The following FAM13A variants were observed in gnomAD, a reference collection of about 807,000 sequenced individuals.
FAM13A encodes the protein family with sequence similarity 13 member A.
Under a neutral mutation model 129.6 loss-of-function variants are expected in FAM13A, and 76 were observed. The observed-to-expected ratio is 0.59, with a 90% CI of 0.49 to 0.71. The LOEUF (loss-of-function observed/expected upper bound fraction) is 0.71. Ranked by LOEUF, FAM13A falls within the 30% of genes least tolerant of loss-of-function variation. The pLI, the probability that FAM13A is intolerant of heterozygous loss-of-function variation, is 0.00. For synonymous variants in FAM13A, 443 were observed against 449.9 expected, an observed-to-expected ratio of 0.98 and a Z score of 0.20; for missense variants, 1,108 against 1,249.3, an observed-to-expected ratio of 0.89 and a Z score of 1.70.
intron 8 of FAM13A, among the ~76,000 whole-genome samples, chr4:88,800,640 G>A (rs1727248940): frequency 6.8e-6 from 1 of 147,562 alleles, no homozygotes; most frequent in Admixed American, 6.8e-5. Flanking sequence ...AGCCGAGATT[G>A]TGCCACTACA....
intron 3 of FAM13A, among the ~76,000 whole-genome samples, chr4:89,014,339 C>T (rs139193032): frequency 2.6e-4 from 40 of 152,280 alleles, no homozygotes; most frequent in Non-Finnish European, 1.5e-4. Context: ...CCATCACTCA[C>T]TATTTACCAA....
chr4:88,904,411 C>A (rs775801400), intron 6 of FAM13A, among the ~76,000 whole-genome samples: 1 of 152,024 alleles, frequency 6.6e-6, no homozygotes, highest in Non-Finnish European at 1.5e-5. Context: ...ATGTGGTACA[C>A]ATACACCATG....
chr4:88,893,826 C>CA (rs10700709), intron 6 of FAM13A, among the ~76,000 whole-genome samples: 70,990 of 117,856 alleles, frequency 0.6, 20,763 homozygotes, highest in Admixed American at 0.63. Context: ...GACTCCGTCT[C>CA]AAAAAAAAAA....
chr4:88,957,773 A>C (rs1287968804), intron 4 of FAM13A, among the ~76,000 whole-genome samples: 2 of 152,338 alleles, frequency 1.3e-5, no homozygotes, highest in Non-Finnish European at 1.5e-5. Flanking sequence ...TCTCAGATGG[A>C]AATGAGGAAC....
chr4:89,012,325 G>A (rs1286411650), intron 3 of FAM13A, among the ~76,000 whole-genome samples: 1 of 152,192 alleles, frequency 6.6e-6, no homozygotes, highest in Non-Finnish European at 1.5e-5. Context: ...GATTAAGGAA[G>A]ATGAGTTGCT....
chr4:88,793,267 A>G (rs1432935919), intron 8 of FAM13A, among the ~76,000 whole-genome samples: 1 of 152,026 alleles, frequency 6.6e-6, no homozygotes, highest in Non-Finnish European at 1.5e-5. Flanking sequence ...AAGTCAACAC[A>G]TCGAAATTTC....
At position 88,991,136 on chromosome 4, in the gene FAM13A, C is replaced by T. The variant is rs369858542; in HGVS notation, c.442G>A (p.Val148Ile). ...AAGTCTCTTAAGCTACTCTCCTGAA[C>T]ATCATTTCTGCCATCTGGAAAAAAA... ...IQLFQDGRND[V>I]QESSLRDLIK... Residue 148 changes from valine to isoleucine, a missense_variant, in exon 4 of 24, where the codon GTT becomes ATT. Val to Ile is a conservative substitution (Grantham distance 29). Around this residue, in one of 3 missense-constraint regions of FAM13A, gnomAD observed 566 missense variants for 595.7 expected, o/e 0.95. Coordinates refer to ENST00000264344, the MANE Select transcript of FAM13A (RefSeq NM_014883.4). 1.2e-6 allele frequency: 2 copies of T among 1,611,018 alleles called. No homozygotes were observed. The highest frequency in any genetic ancestry group is 2.7e-5 in the African/African-American group (2 of 74,720).
At chr4:89,022,894 T>G (rs1579815105) in intron 2 of FAM13A, among the ~76,000 whole-genome samples, 1 of 152,234 alleles carries the variant, frequency 6.6e-6, no homozygotes, top group Admixed American at 6.5e-5. Flanking sequence ...AACAGAATCC[T>G]GCCAACAACC....
chr4:88,796,496 T>G (rs17014573), intron 8 of FAM13A, among the ~76,000 whole-genome samples: 1,756 of 152,186 alleles, frequency 0.012, 33 homozygotes, highest in African/African-American at 0.04. Context: ...TACAAAATTC[T>G]CAATGCTATC....
chr4:88,729,796 T>C (rs1286555539), intron 23 of FAM13A: 1 of 152,200 alleles, frequency 6.6e-6, no homozygotes, highest in African/African-American at 2.4e-5. Context: ...GTATAAGATA[T>C]CTGTGCATAA....
At chr4:88,859,354 G>GA (rs1461984743) in intron 6 of FAM13A, among the ~76,000 whole-genome samples, 1 of 152,168 alleles carries the variant, frequency 6.6e-6, no homozygotes, top group Admixed American at 6.6e-5. Flanking sequence ...AGAGGGGATG[G>GA]AATCATGCAC....
At chr4:88,875,557 T>C (rs368618953) in intron 6 of FAM13A, among the ~76,000 whole-genome samples, 8 of 152,178 alleles carry the variant, frequency 5.3e-5, no homozygotes, top group South Asian at 2.1e-4. Context: ...TCATCACTGG[T>C]CATCAGAGAA....
At chr4:88,883,788 A>G (rs889696363) in intron 6 of FAM13A, among the ~76,000 whole-genome samples, 1 of 152,124 alleles carries the variant, frequency 6.6e-6, no homozygotes, top group Non-Finnish European at 1.5e-5. Context: ...AAAAAGAGAG[A>G]AGATCCAAAT....
Position 88,843,109 on chromosome 4 carries a change from G to C in FAM13A, c.1007+7911C>G, listed in dbSNP as rs115756078. 1.0e-3 allele frequency among the ~76,000 whole-genome samples: 154 copies of C among 152,318 alleles called. 1 individual carries two copies. The highest frequency in any genetic ancestry group is 3.4e-3 in the African/African-American group (142 of 41,556). On this transcript the variant is annotated intron_variant, in intron 7 of 23. Transcript: ENST00000264344. The stretch of plus-strand genomic sequence containing the variant: ...AATTACAAAATGGTCTGCATGCAAA[G>C]ATAGAGTTAGATATTTCTTCTAATC...
At chr4:88,800,281 T>C (rs1727151126) in intron 8 of FAM13A, among the ~76,000 whole-genome samples, 1 of 152,194 alleles carries the variant, frequency 6.6e-6, no homozygotes, top group Non-Finnish European at 1.5e-5. Flanking sequence ...GAACTGTACA[T>C]TTAAAAATGG....
chr4:88,737,657 T>A, intron 20 of FAM13A, 102 bp from the exon 21 acceptor site: 1 of 888,608 alleles, frequency 1.1e-6, no homozygotes, highest in South Asian at 1.4e-5. Flanking sequence ...AACTTTTAAC[T>A]CTGCATTCTT....
At chr4:88,921,808 C>T (rs1331912162) in intron 5 of FAM13A, among the ~76,000 whole-genome samples, 5 of 152,096 alleles carry the variant, frequency 3.3e-5, no homozygotes, top group African/African-American at 4.8e-5. Context: ...GGAAACCCAT[C>T]TCACGTGCAG....
intron 6 of FAM13A, among the ~76,000 whole-genome samples, chr4:88,893,244 A>T (rs945096200): frequency 2.0e-5 from 3 of 152,228 alleles, no homozygotes; most frequent in African/African-American, 7.2e-5. Flanking sequence ...TTTGGTCATG[A>T]CACAGATCCA....
chr4:88,827,750 C>T (rs907241966), intron 7 of FAM13A, among the ~76,000 whole-genome samples: 5 of 152,122 alleles, frequency 3.3e-5, no homozygotes, highest in African/African-American at 9.7e-5. Context: ...CTTAGGATAA[C>T]GTTCAAAATA....
Sources: allele counts gnomAD v4.1 joint callset (sites outside exome capture counted in the v4.1 genomes callset), GRCh38; gene constraint gnomAD v4.1.1; regional missense constraint gnomAD v4.1.1; transcripts MANE v1.5; gene names NCBI Gene and HGNC (gene_info 2026-07-23, HGNC 2026-07-21).